Variants in TJP1 observed in about 807,000 individuals in gnomAD.
TJP1 encodes the protein tight junction protein 1.
A neutral mutation model predicts 194.2 loss-of-function variants in TJP1; 43 were observed. That is an observed-to-expected ratio of 0.22 (90% confidence interval 0.17 to 0.29). TJP1 has a LOEUF of 0.29. Among genes scored for constraint, TJP1 ranks in the 10% least tolerant of loss-of-function variants. The probability of loss-of-function intolerance (pLI) is 1.00; values close to 1 mark genes in which losing one functional copy is unlikely to be tolerated. For missense variants in TJP1, 1,971 were observed against 2,185.7 expected, an observed-to-expected ratio of 0.90 and a Z score of 1.96; for synonymous variants, 801 against 779.0, an observed-to-expected ratio of 1.03 and a Z score of -0.47.
intron 1 of TJP1, chr15:29,820,809 G>A: frequency 3.9e-6 from 2 of 511,050 alleles, no homozygotes; most frequent in South Asian, 3.0e-5. Flanking sequence ...AGGTCAAAAG[G>A]TGCAAGTTAA....
chr15:29,799,817 T>C (rs892862691), intron 2 of TJP1, among the ~76,000 whole-genome samples: 3 of 152,162 alleles, frequency 2.0e-5, no homozygotes, highest in Non-Finnish European at 2.9e-5. Flanking sequence ...CATGATTCTT[T>C]CCCCTTTCCA....
intron 1 of TJP1, among the ~76,000 whole-genome samples, chr15:29,801,084 G>A (rs1002923257): frequency 2.6e-5 from 4 of 152,154 alleles, no homozygotes; most frequent in Non-Finnish European, 5.9e-5. Context: ...CAAACGAAGG[G>A]AAAGTTAAAT....
chr15:29,822,215 C>T lies in TJP1; in HGVS notation c.-187G>A, dbSNP rs1171195093. On this transcript the variant is annotated 5_prime_UTR_variant, in exon 1 of 28. Transcript: ENST00000614355. ...CTCGGACAAAAGTCCGGGAAGCGCC[C>T]GCCCCGCCCGGGTCTTCTCCACGGG... The T allele has an allele frequency of 8.5e-7, 1 of 1,177,806 alleles. No individual in the cohort carries two copies. The highest frequency in any genetic ancestry group is 1.0e-6 in the Non-Finnish European group (1 of 952,974). The allele number at this position is 1,177,806 out of a possible 1,614,324, so 73.0% of individuals were successfully genotyped here.
intron 8 of TJP1, among the ~76,000 whole-genome samples, chr15:29,749,715 CAGTG>C (rs2045120238): frequency 1.3e-5 from 2 of 152,192 alleles, no homozygotes; most frequent in Admixed American, 1.3e-4. Flanking sequence ...CTCGGCCACT[CAGTG>C]AGCACCGTTG....
At chr15:29,720,843 A>G (rs2042885579) in intron 18 of TJP1, 135 bp from the exon 19 acceptor site, 2 of 697,230 alleles carry the variant, frequency 2.9e-6, no homozygotes, top group Non-Finnish European at 4.7e-6. Context: ...TCTGGTAAGG[A>G]AAAGTCAAGA....
chr15:29,831,191 CAGA>C (rs930645652), intron 2 of TJP1, among the ~76,000 whole-genome samples: 1 of 152,132 alleles, frequency 6.6e-6, no homozygotes, highest in African/African-American at 2.4e-5. Flanking sequence ...AACTTTATTT[CAGA>C]TAGCCAAATA....
At chr15:29,817,041 A>T (rs527903789) in intron 1 of TJP1, among the ~76,000 whole-genome samples, 1 of 152,302 alleles carries the variant, frequency 6.6e-6, no homozygotes, top group Admixed American at 6.5e-5. Context: ...TGGGAGAAAA[A>T]CTTTTGCCAT....
chr15:29,833,881 A>ATATATATATATATATTT (rs1555434000), intron 2 of TJP1, among the ~76,000 whole-genome samples: 2 of 12,604 alleles, frequency 1.6e-4, no homozygotes, highest in Non-Finnish European at 2.7e-4. Flanking sequence ...ATATATATAT[A>ATATATATATATATATTT]TTTTTTTTTT....
At chr15:29,781,032 A>G (rs1424416637) in intron 2 of TJP1, among the ~76,000 whole-genome samples, 3 of 152,164 alleles carry the variant, frequency 2.0e-5, no homozygotes, top group Non-Finnish European at 4.4e-5. Flanking sequence ...ACACCATTCA[A>G]AAGACCAACG....
chr15:29,934,239 C>T (rs941072962), intron 2 of TJP1, among the ~76,000 whole-genome samples: 10 of 152,056 alleles, frequency 6.6e-5, no homozygotes, highest in African/African-American at 2.4e-4. Flanking sequence ...TACAAGTGTC[C>T]ATCTGTAGTA....
chr15:29,778,982 C>T (rs1336389345), intron 2 of TJP1, among the ~76,000 whole-genome samples: 1 of 152,146 alleles, frequency 6.6e-6, no homozygotes, highest in African/African-American at 2.4e-5. Flanking sequence ...CCTGATTAAG[C>T]CCGCCAAACT....
intron 2 of TJP1, among the ~76,000 whole-genome samples, chr15:29,851,418 C>T (rs1305840771): frequency 1.3e-5 from 2 of 152,020 alleles, no homozygotes; most frequent in Non-Finnish European, 2.9e-5. Flanking sequence ...ATAGCCAACA[C>T]GGATGAAACA....
intron 1 of TJP1, among the ~76,000 whole-genome samples, chr15:29,810,685 G>A (rs1458437332): frequency 6.6e-6 from 1 of 152,212 alleles, no homozygotes; most frequent in East Asian, 1.9e-4. Context: ...GCTATAAAGG[G>A]GTACACAGAG....
At chr15:29,934,388 C>T (rs1343798565) in intron 2 of TJP1, among the ~76,000 whole-genome samples, 1 of 152,172 alleles carries the variant, frequency 6.6e-6, no homozygotes, top group Non-Finnish European at 1.5e-5. Flanking sequence ...TGTTTTCCTA[C>T]ACATCTGTGA....
intron 1 of TJP1, among the ~76,000 whole-genome samples, chr15:29,801,492 C>T (rs8030917): frequency 0.65 from 95,468 of 147,034 alleles, 31,693 homozygotes; most frequent in East Asian, 0.73. Flanking sequence ...GACGGAGTCT[C>T]GCTCTGTCGC....
chr15:29,816,889 C>CATAG (rs981358123), intron 1 of TJP1, among the ~76,000 whole-genome samples: 1 of 152,204 alleles, frequency 6.6e-6, no homozygotes, highest in Non-Finnish European at 1.5e-5. Context: ...CCATTCAGGA[C>CATAG]ATAGGCATGG....
rs1209198049 is a variant in TJP1 at position 29,718,792 on chromosome 15, C to T, written c.3350G>A (p.Arg1117Lys). Residue 1117 changes from arginine to lysine, a missense_variant, in exon 21 of 28, where the codon AGA becomes AAA. Physicochemically the swap from Arg to Lys is conservative, Grantham distance 26. Transcript: ENST00000614355. The part of the protein sequence containing the change: ...DNQHSQDLDS[R>K]QHPEESSERG... ...TTCTGAGGACTCTTCGGGATGCTGTCTGGAGTCAAGGTCTTGAGAGTGCTG... is the reference window on the plus strand; with the variant it reads ...TTCTGAGGACTCTTCGGGATGCTGTTTGGAGTCAAGGTCTTGAGAGTGCTG... 6.2e-7 allele frequency: 1 copy of T among 1,614,054 alleles called. No individual in the cohort carries two copies.
rs1202833881 is a variant in TJP1 at position 29,760,352 on chromosome 15, C to T, written c.1010+787G>A. 3 of 667,266 alleles carry T rather than the reference C, an allele frequency of 4.5e-6. No homozygotes were observed. In the East Asian group the frequency reaches 8.2e-5, roughly 18 times the overall value. The allele number at this position is 667,266 out of a possible 1,614,324, so 41.3% of individuals were successfully genotyped here. On this transcript the variant is annotated intron_variant, in intron 8 of 27. Coordinates refer to ENST00000614355, the MANE Select transcript of TJP1 (RefSeq NM_001330239.4). ...AGGTAGGTCATATACTACCAGTATA[C>T]CAGAACCTTTGGCATAAATACTAGT...
intron 2 of TJP1, among the ~76,000 whole-genome samples, chr15:29,774,935 CTTT>C (rs1342040006): frequency 2.6e-5 from 4 of 152,144 alleles, no homozygotes; most frequent in Non-Finnish European, 5.9e-5. Context: ...GTTTCATGTT[CTTT>C]GCTTTCAGTT....
Sources: gnomAD v4.1 joint callset for allele counts (sites outside exome capture counted in the v4.1 genomes callset) on GRCh38, gnomAD v4.1.1 for gene constraint, MANE v1.5 for transcripts, NCBI Gene and HGNC (gene_info 2026-07-23, HGNC 2026-07-21) for gene names.